Variants in ZNF277 observed in about 807,000 individuals in gnomAD.
The protein encoded by ZNF277 is nuclear receptor-interacting factor 4.
In ZNF277, 55 loss-of-function variants were observed where a neutral mutation model predicts 60.7. The ratio of observed to expected loss-of-function variants is 0.91; its 90% confidence interval spans 0.73 to 1.13. The LOEUF is 1.13. ZNF277 is among the 50% of genes most tolerant of loss of function. The pLI is 0.00. For missense variants in ZNF277, 510 were observed against 523.0 expected, an observed-to-expected ratio of 0.98 and a Z score of 0.24; for synonymous variants, 178 against 179.3, an observed-to-expected ratio of 0.99 and a Z score of 0.06.
intron 1 of ZNF277, among the ~76,000 whole-genome samples, chr7:112,219,775 A>G (rs1821978832): frequency 6.6e-6 from 1 of 152,120 alleles, no homozygotes; most frequent in Non-Finnish European, 1.5e-5. Context: ...AGCTGGGATT[A>G]CAGGTGTGCA....
At chr7:112,267,260 A>G (rs986365418) in intron 1 of ZNF277, among the ~76,000 whole-genome samples, 3 of 152,206 alleles carry the variant, frequency 2.0e-5, no homozygotes, top group Non-Finnish European at 4.4e-5. Context: ...TATTTTATAC[A>G]ACTGAAATAA....
intron 2 of ZNF277, chr7:112,288,979 A>G (rs1001722327): frequency 6.7e-6 from 1 of 149,914 alleles, no homozygotes; most frequent in African/African-American, 2.4e-5. Context: ...AAAAAAAAAA[A>G]GAAGAGTATG....
At chr7:112,216,529 C>T (rs867354072) in intron 1 of ZNF277, among the ~76,000 whole-genome samples, 2 of 152,052 alleles carry the variant, frequency 1.3e-5, no homozygotes, top group Non-Finnish European at 2.9e-5. Flanking sequence ...AGGCTGGTCT[C>T]GAATTTCTGA....
chr7:112,252,494 C>G (rs1015579265), intron 1 of ZNF277, among the ~76,000 whole-genome samples: 8 of 152,140 alleles, frequency 5.3e-5, no homozygotes, highest in Non-Finnish European at 1.0e-4. Flanking sequence ...AGAAACAAAA[C>G]TCTTTTCTGG....
At chr7:112,294,895 G>A (rs1252377106) in intron 2 of ZNF277, among the ~76,000 whole-genome samples, 1 of 152,144 alleles carries the variant, frequency 6.6e-6, no homozygotes, top group Non-Finnish European at 1.5e-5. Context: ...CATTTACTGT[G>A]GACCTAATAT....
rs757776678 is a variant in ZNF277, at chr7:112,342,544, T to C, written c.1185-17T>C. 4 of 1,593,820 alleles carry C rather than the reference T, an allele frequency of 2.5e-6. No individual in the cohort carries two copies. Among genetic ancestry groups the C allele is most frequent in the South Asian group, 1.1e-5 (1 of 87,770 alleles). On this transcript the variant is annotated splice_polypyrimidine_tract_variant and intron_variant, in intron 11 of 11. Transcript: ENST00000361822. ...TAGCTTGGTAATTTAATACTATGTATCTGTGGTTGTTTTCAGGTATTATTT... is the reference window on the plus strand; with the variant it reads ...TAGCTTGGTAATTTAATACTATGTACCTGTGGTTGTTTTCAGGTATTATTT...
intron 1 of ZNF277, among the ~76,000 whole-genome samples, chr7:112,259,203 TATA>T (rs1009422028): frequency 1.3e-5 from 2 of 152,086 alleles, no homozygotes; most frequent in African/African-American, 4.8e-5. Flanking sequence ...TACCCCCAAA[TATA>T]ATAAAATAAA....
chr7:112,279,765 T>G (rs1465806735), intron 1 of ZNF277, among the ~76,000 whole-genome samples: 1 of 152,126 alleles, frequency 6.6e-6, no homozygotes, highest in African/African-American at 2.4e-5. Flanking sequence ...TAAAATAAGC[T>G]AGAAAAAAGA....
At chr7:112,330,242 A>G (rs1180844570) in intron 7 of ZNF277, 26 bp downstream of exon 7, 2 of 1,609,044 alleles carry the variant, frequency 1.2e-6, no homozygotes, top group Non-Finnish European at 8.5e-7. Context: ...CATAACTTAA[A>G]ATTTGATTGC....
intron 1 of ZNF277, among the ~76,000 whole-genome samples, chr7:112,285,296 C>G (rs1269313479): frequency 6.6e-6 from 1 of 151,964 alleles, no homozygotes. Context: ...TCCCAAAGTG[C>G]TGGGATTACA....
intron 1 of ZNF277, among the ~76,000 whole-genome samples, chr7:112,250,295 C>G (rs572614393): frequency 1.8e-4 from 27 of 152,222 alleles, no homozygotes; most frequent in Admixed American, 9.8e-4. Context: ...ATCTCAAAAC[C>G]CTGTCTCCTG....
rs201145737 is a variant in ZNF277 at position 112,341,530 on chromosome 7, ACTC to A, written c.1184+487_1184+489del. ...TTATCTAATTATTTAATTAAGCTGA[ACTC>A]CTAGAAATAAAATTACTATGTCAGA... On this transcript the variant is annotated intron_variant, in intron 11 of 11. Coordinates refer to ENST00000361822, the MANE Select transcript of ZNF277 (RefSeq NM_021994.3). 7.5e-3 allele frequency among the ~76,000 whole-genome samples: 1,142 copies of A among 152,276 alleles called. 11 individuals carry two copies. Among genetic ancestry groups the A allele is most frequent in the African/African-American group, 0.026 (1,101 of 41,550 alleles).
intron 1 of ZNF277, among the ~76,000 whole-genome samples, chr7:112,207,197 G>C (rs1385020228): frequency 6.6e-6 from 1 of 152,204 alleles, no homozygotes; most frequent in East Asian, 1.9e-4. Context: ...CTCCTCACCA[G>C]TACACTGCCT....
chr7:112,206,851 C>T (rs375235583), intron 1 of ZNF277, 44 bp downstream of exon 1: 322 of 1,587,882 alleles, frequency 2.0e-4, no homozygotes, highest in Admixed American at 5.2e-4. Context: ...GTCTTCCTTT[C>T]TCTATGACCG....
chr7:112,230,997 G>A (rs1371956695), intron 1 of ZNF277, among the ~76,000 whole-genome samples: 2 of 152,006 alleles, frequency 1.3e-5, no homozygotes, highest in East Asian at 1.9e-4. Flanking sequence ...GGCAGATCAC[G>A]AGGTCAGGAG....
intron 1 of ZNF277, among the ~76,000 whole-genome samples, chr7:112,210,255 C>A (rs1357373197): frequency 1.3e-5 from 2 of 151,944 alleles, no homozygotes; most frequent in African/African-American, 2.4e-5. Context: ...GTGTTTAATA[C>A]CCTGGGACAG....
intron 4 of ZNF277, among the ~76,000 whole-genome samples, chr7:112,310,220 CA>C (rs1358066544): frequency 6.6e-6 from 1 of 152,046 alleles, no homozygotes; most frequent in African/African-American, 2.4e-5. Context: ...CTGGCATGGC[CA>C]GTTCCCATCC....
chr7:112,306,662 T>C (rs1407894593), intron 4 of ZNF277, among the ~76,000 whole-genome samples: 1 of 152,130 alleles, frequency 6.6e-6, no homozygotes, highest in Non-Finnish European at 1.5e-5. Context: ...GGTCTCCTCA[T>C]CTACCTTCTT....
chr7:112,248,135 A>G (rs548562867), intron 1 of ZNF277, among the ~76,000 whole-genome samples: 8 of 152,148 alleles, frequency 5.3e-5, no homozygotes, highest in Non-Finnish European at 5.9e-5. Flanking sequence ...TCTTTTGTGA[A>G]AAGTGTGAAA....
Sources: gnomAD v4.1 joint callset for allele counts (sites outside exome capture counted in the v4.1 genomes callset) on GRCh38, gnomAD v4.1.1 for gene constraint, MANE v1.5 for transcripts, NCBI Gene and HGNC (gene_info 2026-07-23, HGNC 2026-07-21) for gene names.